Variants in MICB observed in about 807,000 individuals in gnomAD.
The protein encoded by MICB is MHC class I antigen-related protein B.
MICB carries 27 observed loss-of-function variants against 34.3 expected under a neutral mutation model. The ratio of observed to expected loss-of-function variants is 0.79; its 90% CI spans 0.58 to 1.08. The LOEUF is 1.08. MICB is among the 50% of genes least tolerant of loss of function. MICB has a pLI of 0.00. For missense variants in MICB, 426 were observed against 483.1 expected, an observed-to-expected ratio of 0.88 and a Z score of 1.11; for synonymous variants, 153 against 187.4, an observed-to-expected ratio of 0.82 and a Z score of 1.50.
chr6:31,510,143 T>C lies in MICB; in HGVS notation c.*234T>C. 1 of 423,246 alleles carries C rather than the reference T, an allele frequency of 2.4e-6. No homozygotes were observed. The highest frequency in any genetic ancestry group is 4.1e-6 in the Non-Finnish European group (1 of 243,142). 26.2% of individuals were successfully genotyped at this position (423,246 alleles called of 1,614,324 possible). A position where few individuals can be genotyped will look rare whatever the true frequency, so the allele number is the denominator to read the frequency against. On this transcript the variant is annotated 3_prime_UTR_variant, in exon 6 of 6. Transcript: ENST00000252229. ...GGCTATATGATCAAACAGCAAATTG[T>C]TTATCATGAATGCAGGATGTGGGCA...
intron 5 of MICB, among the ~76,000 whole-genome samples, chr6:31,509,404 C>T (rs186968307): frequency 1.2e-3 from 182 of 152,344 alleles, no homozygotes; most frequent in African/African-American, 4.2e-3. Context: ...GGTGCCTCTG[C>T]AGGAGAGAAG....
intron 1 of MICB, among the ~76,000 whole-genome samples, chr6:31,502,528 G>T (rs1765068317): frequency 6.6e-6 from 1 of 152,118 alleles, no homozygotes; most frequent in Non-Finnish European, 1.5e-5. Context: ...TTCGTTTCTT[G>T]ATTTCTTTTT....
chr6:31,503,986 T>TGTGTGTGTGTGTGTGTGTGA (rs1371417972), intron 1 of MICB, among the ~76,000 whole-genome samples: 20 of 147,776 alleles, frequency 1.4e-4, no homozygotes, highest in African/African-American at 4.8e-4. Flanking sequence ...TGTGTGTGTG[T>TGTGTGTGTGTGTGTGTGTGA]GATAATAGCC....
chr6:31,505,999 T>C, intron 2 of MICB, 128 bp downstream of exon 2: 2 of 1,476,854 alleles, frequency 1.4e-6, no homozygotes, highest in South Asian at 2.8e-5. Context: ...TCAGGGAGGC[T>C]CAGCAGGGTG....
chr6:31,505,294 C>T (rs1245282146), intron 1 of MICB, among the ~76,000 whole-genome samples: 2 of 152,300 alleles, frequency 1.3e-5, no homozygotes, highest in East Asian at 3.9e-4. Flanking sequence ...TTCCTTCCAA[C>T]ACTGCCTTCA....
Position 31,506,189 on chromosome 6 carries a change from C to T in MICB, c.372C>T (p.Asp124=). 1 of 1,614,114 alleles carries T rather than the reference C, an allele frequency of 6.2e-7. No homozygotes were observed. The highest frequency in any genetic ancestry group is 1.3e-5 in the African/African-American group (1 of 75,030). The change falls in exon 3 of 6, where the codon GAC becomes GAT. Residue 124 remains aspartate, a synonymous_variant. Transcript: ENST00000252229. ...TTAGGGTCTGTGAGATCCATGAAGA[C>T]AGCAGCACCAGGGGCTCCCGGCATT... The part of the protein sequence containing the change: ...QEIRVCEIHE[D]SSTRGSRHFY...
At chr6:31,498,138 G>C (rs3828916), upstream of MICB, 1,138,982 of 1,445,658 alleles carry the variant, frequency 0.79, 451,173 homozygotes, top group East Asian at 0.9. Flanking sequence ...GTCTTCTCAC[G>C]GGTTTCATTC....
At chr6:31,496,150 G>A (rs1458676960), upstream of MICB, among the ~76,000 whole-genome samples, 3 of 152,174 alleles carry the variant, frequency 2.0e-5, no homozygotes, top group African/African-American at 4.8e-5. Flanking sequence ...GAAGACCACT[G>A]CCTAGATGTC....
intron 1 of MICB, among the ~76,000 whole-genome samples, chr6:31,501,490 A>G (rs1258586898): frequency 6.6e-6 from 1 of 152,168 alleles, no homozygotes; most frequent in Non-Finnish European, 1.5e-5. Flanking sequence ...GTGGGGTATT[A>G]CTTAAAAAAT....
upstream of MICB, among the ~76,000 whole-genome samples, chr6:31,497,496 G>C (rs1212351543): frequency 6.6e-6 from 1 of 152,056 alleles, no homozygotes; most frequent in African/African-American, 2.4e-5. Flanking sequence ...GACACTTAGA[G>C]GATATAAGGG....
chr6:31,509,717 A>G, intron 5 of MICB, 65 bp from the exon 6 acceptor site: 2 of 1,461,684 alleles, frequency 1.4e-6, no homozygotes, highest in Admixed American at 2.3e-5. Flanking sequence ...AAGAGAGAAA[A>G]GTCCTTAGGG....
Position 31,504,989 on chromosome 6 carries a change from A to G in MICB, c.71-628A>G, listed in dbSNP as rs576769753. 2.6e-5 allele frequency among the ~76,000 whole-genome samples: 4 copies of G among 152,168 alleles called. No individual in the cohort carries two copies. The South Asian group carries it at 6.2e-4, about 24-fold the overall frequency. ...CAGTGGACACTAGCTGGTCCATCCA[A>G]TTGCTGTCCTGGGGCCTTGTCATGC... On this transcript the variant is annotated intron_variant, in intron 1 of 5. Coordinates refer to ENST00000252229, the MANE Select transcript of MICB (RefSeq NM_005931.5).
chr6:31,509,608 A>G (rs1296402154), intron 5 of MICB, among the ~76,000 whole-genome samples, 174 bp from the exon 6 acceptor site: 3 of 151,742 alleles, frequency 2.0e-5, no homozygotes, highest in East Asian at 1.9e-4. Flanking sequence ...GTGATGGGAG[A>G]GAACTGACAG....
At chr6:31,497,405 T>G (rs1391428391), upstream of MICB, among the ~76,000 whole-genome samples, 1 of 152,016 alleles carries the variant, frequency 6.6e-6, no homozygotes, top group African/African-American at 2.4e-5. Context: ...AGCTTGGTGT[T>G]GTAATGAACC....
upstream of MICB, chr6:31,498,109 G>T: frequency 1.7e-6 from 2 of 1,160,824 alleles, no homozygotes; most frequent in Non-Finnish European, 2.4e-6. Context: ...CGGGGCGCAG[G>T]TGACTAAATT....
chr6:31,503,949 C>CTGTGTGTGTGTGTGTG (rs9279324), intron 1 of MICB, among the ~76,000 whole-genome samples: 18 of 97,596 alleles, frequency 1.8e-4, no homozygotes, highest in Admixed American at 2.5e-4. Flanking sequence ...GCCAAACTTG[C>CTGTGTGTGTGTGTGTG]TGTGTGTGTG....
chr6:31,506,144 C>T lies in MICB; in HGVS notation c.327C>T (p.Gly109=), dbSNP rs754869931. The T allele has an allele frequency of 1.9e-6, 3 of 1,612,002 alleles. No individual in the cohort carries two copies. Among genetic ancestry groups the T allele is most frequent in the East Asian group, 2.2e-5 (1 of 44,842 alleles). ...TLTHIKDQKG[G]LHSLQEIRVC... ...GAAGTCACTGCTGGGTGGGGGCAGG[C>T]TTGCATTCCCTCCAGGAGATTAGGG... is the stretch of plus-strand genomic sequence containing the variant. The change falls in exon 3 of 6, where the codon GGC becomes GGT. Residue 109 remains glycine (G), a splice_region_variant and synonymous_variant. Transcript: ENST00000252229.
intron 1 of MICB, among the ~76,000 whole-genome samples, chr6:31,499,391 AG>A (rs1764893263): frequency 6.6e-6 from 1 of 151,578 alleles, no homozygotes; most frequent in Non-Finnish European, 1.5e-5. Context: ...ATCCATTTCT[AG>A]GGTGTCCTCT....
chr6:31,498,059 G>T, upstream of MICB: 1 of 559,496 alleles, frequency 1.8e-6, no homozygotes, highest in Non-Finnish European at 2.9e-6. Flanking sequence ...TTGGCCCTAA[G>T]TTCCGGGCCT....
Sources: allele counts gnomAD v4.1 joint callset (sites outside exome capture counted in the v4.1 genomes callset), GRCh38; gene constraint gnomAD v4.1.1; transcripts MANE v1.5; gene names NCBI Gene and HGNC (gene_info 2026-07-23, HGNC 2026-07-21).